The following MYO3A variants were observed in gnomAD, a reference collection of about 807,000 sequenced individuals.
MYO3A encodes the protein myosin IIIA.
Under a neutral mutation model 192.7 loss-of-function variants are expected in MYO3A, and 180 were observed. The ratio of observed to expected loss-of-function variants is 0.93; its 90% CI spans 0.83 to 1.06. MYO3A has a LOEUF of 1.06. MYO3A is among the 50% of genes least tolerant of loss of function. The probability of loss-of-function intolerance (pLI) is 0.00; values close to 1 mark genes in which losing one functional copy is unlikely to be tolerated. For missense variants in MYO3A, 1,896 were observed against 1,905.0 expected (o/e 1.00, Z 0.09); for synonymous variants, 628 against 645.3 (o/e 0.97, Z 0.41).
At chr10:26,136,390 G>T (rs1589017951) in intron 20 of MYO3A, among the ~76,000 whole-genome samples, 3 of 152,204 alleles carry the variant, frequency 2.0e-5, no homozygotes, top group South Asian at 4.1e-4. Context: ...CTATGACATT[G>T]TTCCCCAGGT....
chr10:25,974,395 T>C (rs1331519296), intron 4 of MYO3A, among the ~76,000 whole-genome samples: 1 of 152,196 alleles, frequency 6.6e-6, no homozygotes, highest in East Asian at 1.9e-4. Flanking sequence ...AGTGTAATTA[T>C]CAAAATCTCA....
chr10:26,041,194 G>A (rs1054583098), intron 10 of MYO3A, among the ~76,000 whole-genome samples: 17 of 151,740 alleles, frequency 1.1e-4, no homozygotes, highest in African/African-American at 4.1e-4. Flanking sequence ...ATTTTGTCTG[G>A]TATAAGTATA....
At chr10:26,202,496 G>C (rs986909556) in intron 33 of MYO3A, among the ~76,000 whole-genome samples, 1 of 152,212 alleles carries the variant, frequency 6.6e-6, no homozygotes, top group South Asian at 2.1e-4. Flanking sequence ...ACAGAGTAGA[G>C]GGAGGACAGA....
At position 26,088,238 on chromosome 10, in the gene MYO3A, A is replaced by G; in HGVS notation, c.1395A>G (p.Gln465=). 6.2e-7 allele frequency: 1 copy of G among 1,612,874 alleles called. No homozygotes were observed. Among genetic ancestry groups the G allele is most frequent in the South Asian group, 1.1e-5 (1 of 90,812 alleles). ...GAACCTTGCAAGAGAAGATTTTACA[A>G]GTGAACAATTTGGTAGAAGCCTTTG... ...NNRTLQEKIL[Q]VNNLVEAFGN... is the part of the protein sequence containing the mutation. Residue 465 remains glutamine (Q), a synonymous_variant, in exon 15 of 35, where the codon CAA becomes CAG. Transcript: ENST00000642920.
At chr10:26,017,306 T>C (rs1842035963) in intron 7 of MYO3A, among the ~76,000 whole-genome samples, 1 of 152,218 alleles carries the variant, frequency 6.6e-6, no homozygotes, top group African/African-American at 2.4e-5. Flanking sequence ...GTTCCTGTGT[T>C]GAGTCACTCT....
chr10:25,965,778 G>C (rs1279113665), intron 4 of MYO3A, among the ~76,000 whole-genome samples: 2 of 151,954 alleles, frequency 1.3e-5, no homozygotes, highest in African/African-American at 4.8e-5. Context: ...TCCCTCTGTG[G>C]GTGGGCGTCA....
intron 17 of MYO3A, among the ~76,000 whole-genome samples, chr10:26,112,594 TAC>T (rs1490479961): frequency 6.6e-6 from 1 of 152,194 alleles, no homozygotes; most frequent in Non-Finnish European, 1.5e-5. Flanking sequence ...GACTCTCCAA[TAC>T]AGTCTCTTTT....
intron 31 of MYO3A, among the ~76,000 whole-genome samples, chr10:26,177,817 C>T (rs1449067831): frequency 2.6e-5 from 4 of 152,238 alleles, no homozygotes; most frequent in Non-Finnish European, 5.9e-5. Flanking sequence ...CTAATTTCTT[C>T]CCTGAAAAAA....
At chr10:25,934,459 G>A (rs976292153) in intron 1 of MYO3A, 131 bp downstream of exon 1, 4 of 152,070 alleles carry the variant, frequency 2.6e-5, no homozygotes, top group African/African-American at 9.7e-5. Flanking sequence ...CTCTGAGCGC[G>A]AGGCTGCCGC....
chr10:26,077,193 G>T (rs1303917997), intron 14 of MYO3A, among the ~76,000 whole-genome samples: 1 of 112,288 alleles, frequency 8.9e-6, no homozygotes, highest in Non-Finnish European at 1.9e-5. Context: ...AGTTTTCCTT[G>T]TAGAGGTCTT....
At chr10:26,061,839 C>G (rs971616533) in intron 10 of MYO3A, among the ~76,000 whole-genome samples, 3 of 131,038 alleles carry the variant, frequency 2.3e-5, no homozygotes, top group Admixed American at 2.3e-4. Context: ...TCTGTAGCAG[C>G]CAAATGGGTC....
intron 14 of MYO3A, among the ~76,000 whole-genome samples, chr10:26,081,437 A>G (rs1835952842): frequency 6.6e-6 from 1 of 152,046 alleles, no homozygotes; most frequent in Non-Finnish European, 1.5e-5. Context: ...CTCCGAGTCC[A>G]TTTCTAGGTA....
intron 10 of MYO3A, among the ~76,000 whole-genome samples, chr10:26,050,927 T>A (rs1000893606): frequency 2.0e-5 from 3 of 152,348 alleles, no homozygotes; most frequent in Non-Finnish European, 2.9e-5. Flanking sequence ...GTCCAACTCA[T>A]AAATAAAGGA....
chr10:26,080,242 T>G (rs1214655634), intron 14 of MYO3A, among the ~76,000 whole-genome samples: 1 of 152,168 alleles, frequency 6.6e-6, no homozygotes, highest in Non-Finnish European at 1.5e-5. Context: ...TTTCTTTGTC[T>G]TTGTTGGATT....
chr10:26,045,821 C>T (rs1026146743), intron 10 of MYO3A, among the ~76,000 whole-genome samples: 2 of 152,076 alleles, frequency 1.3e-5, no homozygotes, highest in Non-Finnish European at 2.9e-5. Context: ...ATCATAAGAC[C>T]CACTCTTTAT....
intron 20 of MYO3A, 97 bp from the exon 21 acceptor site, chr10:26,143,351 G>A: frequency 7.7e-7 from 1 of 1,293,070 alleles, no homozygotes; most frequent in East Asian, 2.5e-5. Context: ...AGGTCAAAGG[G>A]AGCAATTTAT....
At chr10:26,103,067 CT>C (rs772477601) in intron 17 of MYO3A, among the ~76,000 whole-genome samples, 3 of 152,232 alleles carry the variant, frequency 2.0e-5, no homozygotes, top group Non-Finnish European at 4.4e-5. Flanking sequence ...AGCTTCCCAG[CT>C]GCTTTGTTTA....
chr10:26,038,372 A>G (rs150349835), intron 10 of MYO3A, among the ~76,000 whole-genome samples: 129 of 152,116 alleles, frequency 8.5e-4, no homozygotes, highest in African/African-American at 3.1e-3. Context: ...GTCCCCTTCA[A>G]TTTCTTGGAT....
intron 10 of MYO3A, among the ~76,000 whole-genome samples, chr10:26,042,849 C>T (rs1843428268): frequency 2.0e-5 from 3 of 152,054 alleles, no homozygotes; most frequent in African/African-American, 7.2e-5. Flanking sequence ...GTCATGTTTC[C>T]CTGGATAGTT....
Sources: gnomAD v4.1 joint callset for allele counts (sites outside exome capture counted in the v4.1 genomes callset) on GRCh38, gnomAD v4.1.1 for gene constraint, MANE v1.5 for transcripts, NCBI Gene and HGNC (gene_info 2026-07-23, HGNC 2026-07-21) for gene names.